The following CFH variants were observed in gnomAD, a reference collection of about 807,000 sequenced individuals.
CFH encodes complement factor H.
Under a neutral mutation model 147.3 loss-of-function variants are expected in CFH, and 53 were observed. The ratio of observed to expected loss-of-function variants is 0.36; its 90% CI spans 0.29 to 0.45. CFH has a LOEUF of 0.45. CFH is among the 20% of genes least tolerant of loss of function. The pLI, the probability that CFH is intolerant of heterozygous loss-of-function variation, is 1.00. For missense variants in CFH, 1,380 were observed against 1,498.0 expected, an observed-to-expected ratio of 0.92 and a Z score of 1.30; for synonymous variants, 536 against 489.4, an observed-to-expected ratio of 1.10 and a Z score of -1.26.
At chr1:196,689,730 G>A in intron 8 of CFH, 116 bp downstream of exon 8, 3 of 1,188,316 alleles carry the variant, frequency 2.5e-6, no homozygotes, top group African/African-American at 1.5e-5. Context: ...CAAGAAAAGA[G>A]TTGTTCAAGC....
At position 196,702,501 on chromosome 1, in the gene CFH, A is replaced by G. The variant is rs546885079; in HGVS notation, c.1337-11234A>G. ...ATGCCTATTTATTGAGAAGATCTAA[A>G]GTTTATGGAAGGAACAGGATTGAAA... On this transcript the variant is annotated intron_variant, in intron 9 of 21. Coordinates refer to ENST00000367429, the MANE Select transcript of CFH (RefSeq NM_000186.4). Among the ~76,000 whole-genome samples the G allele has an allele frequency of 5.5e-5, 8 of 144,456 alleles. No individual in the cohort carries two copies. In the South Asian group the frequency reaches 1.8e-3, roughly 33 times the overall value. 94.8% of individuals were successfully genotyped at this position (144,456 alleles called of 152,430 possible). A position where few individuals can be genotyped will look rare whatever the true frequency, so the allele number is the denominator to read the frequency against.
intron 18 of CFH, chr1:196,741,339 C>T (rs950915526): frequency 1.1e-5 from 2 of 176,924 alleles, no homozygotes; most frequent in Admixed American, 5.5e-5. Context: ...TTACCATTAC[C>T]GCTGAAGGGG....
intron 9 of CFH, among the ~76,000 whole-genome samples, chr1:196,690,993 C>G (rs1319038185): frequency 1.3e-5 from 2 of 152,108 alleles, no homozygotes; most frequent in African/African-American, 2.4e-5. Context: ...ACCTTGCAAG[C>G]TTCCAGCTTG....
chr1:196,692,746 T>TTTTCTTTCTTTC (rs765086697), intron 9 of CFH, among the ~76,000 whole-genome samples: 28 of 41,766 alleles, frequency 6.7e-4, no homozygotes, highest in Middle Eastern at 0.017. Context: ...CTTCCTTTCT[T>TTTTCTTTCTTTC]TTTCTTTCTT....
chr1:196,747,172 C>A lies in CFH; in HGVS notation c.3555C>A (p.Ala1185=), dbSNP rs1164010446. 1.2e-6 allele frequency: 2 copies of A among 1,613,702 alleles called. No individual in the cohort carries two copies. Among genetic ancestry groups the A allele is most frequent in the South Asian group, 2.2e-5 (2 of 91,062 alleles). ...ATAACATAGCATTAAGGTGGACAGC[C>A]AAACAGAAGCTTTATTCGAGAACAG... The part of the protein sequence containing the change: ...ENYNIALRWT[A]KQKLYSRTGE... Residue 1185 remains alanine (A), a synonymous_variant, in exon 22 of 22, where the codon GCC becomes GCA. Coordinates refer to ENST00000367429, the MANE Select transcript of CFH (RefSeq NM_000186.4).
intron 3 of CFH, among the ~76,000 whole-genome samples, chr1:196,675,680 A>G (rs1391009731): frequency 2.0e-5 from 3 of 152,078 alleles, no homozygotes; most frequent in Non-Finnish European, 4.4e-5. Flanking sequence ...TGAACCAAGG[A>G]TTATGATTAT....
intron 1 of CFH, among the ~76,000 whole-genome samples, chr1:196,665,795 C>T (rs550023020): frequency 3.3e-5 from 5 of 152,150 alleles, no homozygotes; most frequent in Admixed American, 3.3e-4. Context: ...TTAGTAGAGA[C>T]GGGGTTTCGA....
chr1:196,716,859 C>T (rs554586483), intron 11 of CFH, among the ~76,000 whole-genome samples: 1 of 152,026 alleles, frequency 6.6e-6, no homozygotes, highest in Non-Finnish European at 1.5e-5. Flanking sequence ...ATGATTGAGT[C>T]GCCAATGGAA....
In CFH at chr1:196,685,237, T is replaced by G; in HGVS notation, c.964T>G (p.Leu322Val). The G allele has an allele frequency of 6.2e-7, 1 of 1,612,768 alleles. No homozygotes were observed. Among genetic ancestry groups the G allele is most frequent in the Non-Finnish European group, 8.5e-7 (1 of 1,179,102 alleles). Reference protein sequence around the residue: ...TGWIPAPRCTLKPCDYPDIKH... With the variant: ...TGWIPAPRCTVKPCDYPDIKH... Reference sequence around the variant, plus strand: ...CTGGATACCTGCTCCGAGATGTACCTGTAAGTTCCATTCATATCTTGACCC... The same window carrying G: ...CTGGATACCTGCTCCGAGATGTACCGGTAAGTTCCATTCATATCTTGACCC... The change falls in exon 7 of 22, where the codon TTG (leucine) becomes GTG (valine). Residue 322 changes from leucine (L) to valine (V), a missense_variant and splice_region_variant. This residue lies in a region of CFH where 167 missense variants were observed against 228.0 expected (regional missense o/e 0.73). Coordinates refer to ENST00000367429, the MANE Select transcript of CFH (RefSeq NM_000186.4).
chr1:196,705,325 G>A (rs998813262), intron 9 of CFH, among the ~76,000 whole-genome samples: 12 of 152,108 alleles, frequency 7.9e-5, no homozygotes, highest in Non-Finnish European at 1.5e-4. Flanking sequence ...TCGGACTGGA[G>A]AGAAGCTCTT....
chr1:196,677,124 G>T, intron 4 of CFH: 1 of 177,644 alleles, frequency 5.6e-6, no homozygotes, highest in Non-Finnish European at 1.2e-5. Flanking sequence ...ACATCTTTTA[G>T]GAACACAGTG....
rs1667942618 is a variant in CFH at position 196,689,309 on chromosome 1, G to A, written c.965-111G>A. On this transcript the variant is annotated intron_variant, in intron 7 of 21. Transcript: ENST00000367429. ...TTTGACCTAGAAACCCTAATGGAATGTGTAATTATACTAAGAAGAGAATAT... is the reference window on the plus strand; with the variant it reads ...TTTGACCTAGAAACCCTAATGGAATATGTAATTATACTAAGAAGAGAATAT... The A allele has an allele frequency of 3.0e-6, 3 of 1,005,618 alleles. No homozygotes were observed. The East Asian group carries it at 7.9e-5, about 26-fold the overall frequency. 62.3% of individuals were successfully genotyped at this position (1,005,618 alleles called of 1,614,324 possible).
rs538497435 is a variant in CFH, at chr1:196,742,118, T to A, written c.3133+67T>A. On this transcript the variant is annotated intron_variant, in intron 19 of 21. Transcript: ENST00000367429. ...GGCCCAGCCCAGTGGCTGGCGCCTG[T>A]AATCCCAGCACTTTGGGAGGCCGAG... 49 of 1,504,700 alleles carry A rather than the reference T, an allele frequency of 3.3e-5. No individual in the cohort carries two copies. The African/African-American group carries it at 5.7e-4, about 17-fold the overall frequency. 93.2% of individuals were successfully genotyped at this position (1,504,700 alleles called of 1,614,324 possible).
At chr1:196,701,782 G>A (rs1236852959) in intron 9 of CFH, among the ~76,000 whole-genome samples, 1 of 152,040 alleles carries the variant, frequency 6.6e-6, no homozygotes, top group African/African-American at 2.4e-5. Context: ...TTCTCCCAAA[G>A]TAACCCACAA....
chr1:196,683,943 G>A (rs1667739872), intron 6 of CFH, among the ~76,000 whole-genome samples: 1 of 151,854 alleles, frequency 6.6e-6, no homozygotes, highest in African/African-American at 2.4e-5. Context: ...TGGATTTCAA[G>A]CAATGCTGAA....
chr1:196,727,143 T>A (rs1669162336), intron 14 of CFH, among the ~76,000 whole-genome samples: 1 of 152,170 alleles, frequency 6.6e-6, no homozygotes, highest in African/African-American at 2.4e-5. Context: ...ATTTTATGAA[T>A]CTTTCTGCGT....
At chr1:196,656,352 G>A (rs115164955) in intron 1 of CFH, among the ~76,000 whole-genome samples, 1,800 of 150,506 alleles carry the variant, frequency 0.012, 42 homozygotes, top group African/African-American at 0.041. Flanking sequence ...AAAGGAAAAA[G>A]CAATATTCTT....
At chr1:196,682,387 G>A (rs1667687085) in intron 6 of CFH, among the ~76,000 whole-genome samples, 1 of 151,654 alleles carries the variant, frequency 6.6e-6, no homozygotes, top group African/African-American at 2.4e-5. Context: ...ATAACATGAT[G>A]TATTTTTAAA....
intron 9 of CFH, chr1:196,701,191 A>G (rs551152971): frequency 2.6e-5 from 33 of 1,287,762 alleles, no homozygotes; most frequent in Non-Finnish European, 3.5e-5. Flanking sequence ...TTACTAGTGG[A>G]AGAAATTACT....
Sources: allele counts gnomAD v4.1 joint callset (sites outside exome capture counted in the v4.1 genomes callset), GRCh38; gene constraint gnomAD v4.1.1; regional missense constraint gnomAD v4.1.1; transcripts MANE v1.5; gene names NCBI Gene and HGNC (gene_info 2026-07-23, HGNC 2026-07-21).